The following UBN2 variants were observed in gnomAD, a reference collection of about 807,000 sequenced individuals.
UBN2 encodes the protein ubinuclein-2.
A neutral mutation model predicts 120.2 loss-of-function variants in UBN2; 35 were observed. That is an observed-to-expected ratio of 0.29 (90% CI 0.22 to 0.39). The LOEUF (loss-of-function observed/expected upper bound fraction) is 0.39, where lower values mean the gene tolerates loss of function less well. Ranked by LOEUF, UBN2 falls within the 10% of genes least tolerant of loss-of-function variation. The pLI, the probability that UBN2 is intolerant of heterozygous loss-of-function variation, is 1.00. For missense variants in UBN2, 1,693 were observed against 1,663.2 expected, an observed-to-expected ratio of 1.02 and a Z score of -0.31; for synonymous variants, 661 against 648.7, an observed-to-expected ratio of 1.02 and a Z score of -0.29.
In UBN2 at chr7:139,273,182, G is replaced by A. The variant is rs1209832811; in HGVS notation, c.1716-115G>A. Reference sequence around the variant, plus strand: ...AGTATTATGTGGAAAGGTAGATTCCGTCTTTACCCTCTCTTTTAACATTCC... The same window carrying A: ...AGTATTATGTGGAAAGGTAGATTCCATCTTTACCCTCTCTTTTAACATTCC... On this transcript the variant is annotated intron_variant, in intron 9 of 17. Coordinates refer to ENST00000473989, the MANE Select transcript of UBN2 (RefSeq NM_173569.4). The A allele has an allele frequency of 3.0e-5, 17 of 573,030 alleles. No individual in the cohort carries two copies. The South Asian group carries it at 4.0e-4, about 14-fold the overall frequency. 35.5% of individuals were successfully genotyped at this position (573,030 alleles called of 1,614,324 possible). A position where few individuals can be genotyped will look rare whatever the true frequency, so the allele number is the denominator to read the frequency against.
chr7:139,324,124 C>T, the UBN2 span, among the ~76,000 whole-genome samples: 3,581 of 152,162 alleles, frequency 0.024, 162 homozygotes, highest in African/African-American at 0.082. Context: ...AATTCCTGTC[C>T]GCTTGAAAGG....
rs1294578103 is a variant in UBN2 at position 139,297,812 on chromosome 7, T to C, written c.4020T>C (p.Thr1340=). Residue 1340 remains threonine, a synonymous_variant, in exon 18 of 18, where the codon ACT becomes ACC. Transcript: ENST00000473989. ...FHDGGQSKGD[T]KLPRKSQ is the part of the protein sequence containing the mutation. ...ATGGAGGCCAAAGTAAAGGGGACACTAAATTACCACGGAAATCTCAGTGAC... is the reference window on the plus strand; with the variant it reads ...ATGGAGGCCAAAGTAAAGGGGACACCAAATTACCACGGAAATCTCAGTGAC... 1 of 1,614,022 alleles carries C rather than the reference T, an allele frequency of 6.2e-7. No individual in the cohort carries two copies. Among genetic ancestry groups the C allele is most frequent in the African/African-American group, 1.3e-5 (1 of 74,918 alleles).
At chr7:139,257,028 T>G (rs143623003) in intron 3 of UBN2, among the ~76,000 whole-genome samples, 21 of 152,330 alleles carry the variant, frequency 1.4e-4, no homozygotes, top group African/African-American at 4.8e-4. Flanking sequence ...AAATCTGACT[T>G]TCTTAAAGAC....
intron 6 of UBN2, among the ~76,000 whole-genome samples, chr7:139,264,006 C>A (rs1797016236): frequency 6.6e-6 from 1 of 152,040 alleles, no homozygotes; most frequent in Admixed American, 6.6e-5. Flanking sequence ...TTGGTAAGTA[C>A]TATATGCATC....
intron 6 of UBN2, among the ~76,000 whole-genome samples, chr7:139,265,426 C>T (rs958503870): frequency 1.2e-4 from 18 of 152,072 alleles, no homozygotes; most frequent in Admixed American, 7.2e-4. Context: ...TGCAGTAAGC[C>T]GAGATCGCGC....
At chr7:139,322,604 T>C in the UBN2 span, among the ~76,000 whole-genome samples, 2 of 150,076 alleles carry the variant, frequency 1.3e-5, no homozygotes, top group Non-Finnish European at 3.0e-5. Context: ...GTTTTCATGT[T>C]ATACCATCTG....
At chr7:139,314,707 A>G in the UBN2 span, among the ~76,000 whole-genome samples, 1 of 151,900 alleles carries the variant, frequency 6.6e-6, no homozygotes, top group South Asian at 2.1e-4. Context: ...GATGGTCATG[A>G]ACTCCTGACT....
rs1020173024 is a variant in UBN2, at chr7:139,298,145, G to A, written c.*309G>A. ...CAGAAATACAAATTTGATTTTTCCC[G>A]GGGGAGGAAGAAGGAAGTGAAGAGA... On this transcript the variant is annotated 3_prime_UTR_variant, in exon 18 of 18. Coordinates refer to ENST00000473989, the MANE Select transcript of UBN2 (RefSeq NM_173569.4). 4.1e-5 allele frequency: 11 copies of A among 269,504 alleles called. No homozygotes were observed. The highest frequency in any genetic ancestry group is 2.5e-4 in the Admixed American group (5 of 20,050). 16.7% of individuals were successfully genotyped at this position (269,504 alleles called of 1,614,324 possible). A position where few individuals can be genotyped will look rare whatever the true frequency, so the allele number is the denominator to read the frequency against.
In UBN2 at chr7:139,276,293, TC is replaced by T; in HGVS notation, c.2024+147del. ...CTATTTAGACTTCAGAACACATTTATCTATTGAAATAATTGTCAGGGTACTC... is the reference window on the plus strand; with the variant it reads ...CTATTTAGACTTCAGAACACATTTATTATTGAAATAATTGTCAGGGTACTC... On this transcript the variant is annotated intron_variant, in intron 12 of 17. Coordinates refer to ENST00000473989, the MANE Select transcript of UBN2 (RefSeq NM_173569.4). 4.0e-6 allele frequency: 3 copies of T among 756,868 alleles called. No homozygotes were observed. In the South Asian group the frequency reaches 4.8e-5, roughly 12 times the overall value. 46.9% of individuals were successfully genotyped at this position (756,868 alleles called of 1,614,324 possible).
intron 15 of UBN2, among the ~76,000 whole-genome samples, chr7:139,291,567 T>A (rs1216206134): frequency 6.6e-6 from 1 of 152,128 alleles, no homozygotes; most frequent in Non-Finnish European, 1.5e-5. Flanking sequence ...AAGAAAAATG[T>A]TGGCCAGGCA....
At chr7:139,308,819 C>T (rs967829116), downstream of UBN2, among the ~76,000 whole-genome samples, 8 of 152,188 alleles carry the variant, frequency 5.3e-5, no homozygotes, top group Admixed American at 3.9e-4. Flanking sequence ...CGCCTGTAAT[C>T]CCAGCACTTT....
chr7:139,251,664 G>A (rs1203840205), intron 2 of UBN2, among the ~76,000 whole-genome samples: 5 of 152,192 alleles, frequency 3.3e-5, no homozygotes, highest in Admixed American at 3.3e-4. Flanking sequence ...TTTTATCACA[G>A]ATCATGGATA....
Position 139,301,264 on chromosome 7 carries a change from A to G in UBN2, c.*3428A>G, listed in dbSNP as rs1798250357. On this transcript the variant is annotated 3_prime_UTR_variant, in exon 18 of 18. Coordinates refer to ENST00000473989, the MANE Select transcript of UBN2 (RefSeq NM_173569.4). ...TTGGACATGATTTTTAACCCAGGAT[A>G]TTTTTTTCCCAAAGCAGATCTAAAT... 6.6e-6 allele frequency: 1 copy of G among 152,034 alleles called. No individual in the cohort carries two copies. Among genetic ancestry groups the G allele is most frequent in the African/African-American group, 2.4e-5 (1 of 41,390 alleles). 9.4% of individuals were successfully genotyped at this position (152,034 alleles called of 1,614,324 possible).
chr7:139,293,027 T>C (rs1798004694), intron 15 of UBN2, among the ~76,000 whole-genome samples: 2 of 152,058 alleles, frequency 1.3e-5, no homozygotes, highest in Admixed American at 1.3e-4. Context: ...AATTAGTAGA[T>C]TGAGAGAGTG....
rs199988027 is a variant in UBN2, at chr7:139,261,753, A to G, written c.1395+12A>G. The G allele has an allele frequency of 1.1e-5, 18 of 1,594,136 alleles. No individual in the cohort carries two copies. Among genetic ancestry groups the G allele is most frequent in the Non-Finnish European group, 1.5e-5 (17 of 1,167,004 alleles). On this transcript the variant is annotated intron_variant, in intron 6 of 17. Coordinates refer to ENST00000473989, the MANE Select transcript of UBN2 (RefSeq NM_173569.4). ...AAGACCTTCGTGTAGTAAGTGTAATAATTCTCTTGCTTTTTATTTGCTGCA... is the reference window on the plus strand; with the variant it reads ...AAGACCTTCGTGTAGTAAGTGTAATGATTCTCTTGCTTTTTATTTGCTGCA...
the UBN2 span, among the ~76,000 whole-genome samples, chr7:139,324,646 A>G: frequency 2.4e-4 from 37 of 151,452 alleles, no homozygotes; most frequent in African/African-American, 8.0e-4. Flanking sequence ...TCACTGTGCA[A>G]TTTTGTTGCC....
At position 139,302,265 on chromosome 7, in the gene UBN2, ACATATATATAAAACTAGGAG is replaced by A. The variant is rs1798276848; in HGVS notation, c.*4431_*4450del. Reference sequence around the variant, plus strand: ...GATATATGTGTAAGATACATACATTACATATATATAAAACTAGGAGCTGCTGTACCATTGCATCCTTTCCA... The same window carrying A: ...GATATATGTGTAAGATACATACATTACTGCTGTACCATTGCATCCTTTCCA... On this transcript the variant is annotated 3_prime_UTR_variant, in exon 18 of 18. Coordinates refer to ENST00000473989, the MANE Select transcript of UBN2 (RefSeq NM_173569.4). 1 of 152,208 alleles carries A rather than the reference ACATATATATAAAACTAGGAG, an allele frequency of 6.6e-6. No homozygotes were observed. Among genetic ancestry groups the A allele is most frequent in the African/African-American group, 2.4e-5 (1 of 41,450 alleles). The allele number at this position is 152,208 out of a possible 1,614,324, so 9.4% of individuals were successfully genotyped here. A position where few individuals can be genotyped will look rare whatever the true frequency, so the allele number is the denominator to read the frequency against.
chr7:139,252,711 T>C (rs955995849), intron 3 of UBN2, among the ~76,000 whole-genome samples: 1 of 152,062 alleles, frequency 6.6e-6, no homozygotes, highest in Non-Finnish European at 1.5e-5. Context: ...TAGTAGTTGC[T>C]CATTTTCAGA....
At chr7:139,278,469 G>A (rs563858834) in intron 12 of UBN2, among the ~76,000 whole-genome samples, 4 of 152,052 alleles carry the variant, frequency 2.6e-5, no homozygotes, top group Non-Finnish European at 4.4e-5. Context: ...ATGAGCCACT[G>A]CACCCAGCCT....
Sources: allele counts gnomAD v4.1 joint callset (sites outside exome capture counted in the v4.1 genomes callset), GRCh38; gene constraint gnomAD v4.1.1; transcripts MANE v1.5; gene names NCBI Gene and HGNC (gene_info 2026-07-23, HGNC 2026-07-21).